The following ASB17 variants were observed in gnomAD, a reference collection of about 807,000 sequenced individuals.
ASB17 encodes ankyrin repeat and SOCS box protein 17.
A neutral mutation model predicts 25.7 loss-of-function variants in ASB17; 26 were observed. That is an observed-to-expected ratio of 1.01 (90% CI 0.74 to 1.40). ASB17 has a LOEUF of 1.40. Ranked by LOEUF, ASB17 falls within the 40% of genes most tolerant of loss-of-function variation. ASB17 has a pLI of 0.00. For missense variants in ASB17, 326 were observed against 338.5 expected (o/e 0.96, Z 0.29); for synonymous variants, 128 against 121.4 (o/e 1.05, Z -0.36).
At chr1:75,931,231 A>G (rs530816445) in intron 1 of ASB17, among the ~76,000 whole-genome samples, 1 of 152,352 alleles carries the variant, frequency 6.6e-6, no homozygotes, top group East Asian at 1.9e-4. Flanking sequence ...AAAACGAAAG[A>G]ATAAATTAAA....
At chr1:75,930,075 AG>A (rs1435644675) in intron 1 of ASB17, among the ~76,000 whole-genome samples, 1 of 151,724 alleles carries the variant, frequency 6.6e-6, no homozygotes, top group Non-Finnish European at 1.5e-5. Context: ...CAGAGCTCAG[AG>A]GCAAAGTCAA....
chr1:75,921,425 C>T (rs1464934896), intron 2 of ASB17, among the ~76,000 whole-genome samples: 1 of 152,128 alleles, frequency 6.6e-6, no homozygotes, highest in African/African-American at 2.4e-5. Flanking sequence ...ATAGGGGTAG[C>T]TTTCTCTCTA....
chr1:75,929,680 G>A lies in ASB17; in HGVS notation c.401+2211C>T, dbSNP rs142690292. On this transcript the variant is annotated intron_variant, in intron 1 of 2. Transcript: ENST00000284142. The stretch of plus-strand genomic sequence containing the variant: ...TCTGAGTCAATAACAGATTATAGGA[G>A]TTGAGAGGGAAGAGTGGAAGCTGAA... Among the ~76,000 whole-genome samples, 752 of 152,256 alleles carry A rather than the reference G, an allele frequency of 4.9e-3. 11 individuals are homozygous for A. The highest frequency in any genetic ancestry group is 0.012 in the East Asian group (63 of 5,170).
intron 1 of ASB17, among the ~76,000 whole-genome samples, chr1:75,925,052 T>C (rs141669887): frequency 9.0e-4 from 137 of 152,284 alleles, no homozygotes; most frequent in African/African-American, 3.2e-3. Context: ...CTCTAAAAGA[T>C]AGTAATTTCA....
chr1:75,919,092 A>T lies in ASB17; in HGVS notation c.748T>A (p.Tyr250Asn), dbSNP rs144324004. 6.2e-7 allele frequency: 1 copy of T among 1,613,012 alleles called. No homozygotes were observed. Among genetic ancestry groups the T allele is most frequent in the East Asian group, 2.2e-5 (1 of 44,736 alleles). ...TGTAATAGTTCACATGGATCTTTGT[A>T]TCTTGTTGAAGGAATGTAATCAAAC... is the stretch of plus-strand genomic sequence containing the variant. ...NWFDYIPSTR[Y>N]KDPCELLHLC... The change falls in exon 3 of 3, where the codon TAC becomes AAC. Residue 250 changes from tyrosine to asparagine, a missense_variant. Coordinates refer to ENST00000284142, the MANE Select transcript of ASB17 (RefSeq NM_080868.3).
At chr1:75,920,878 C>T (rs1571012259) in intron 2 of ASB17, among the ~76,000 whole-genome samples, 1 of 152,096 alleles carries the variant, frequency 6.6e-6, no homozygotes, top group Non-Finnish European at 1.5e-5. Context: ...GGGTTCATGC[C>T]ATTCTCCTGC....
At chr1:75,920,443 G>A (rs1035582131) in intron 2 of ASB17, among the ~76,000 whole-genome samples, 1 of 152,106 alleles carries the variant, frequency 6.6e-6, no homozygotes, top group Non-Finnish European at 1.5e-5. Flanking sequence ...ATTGTGATAG[G>A]TGCTTGGGAT....
chr1:75,922,168 C>T lies in ASB17; in HGVS notation c.593G>A (p.Arg198His), dbSNP rs368584559. Residue 198 changes from arginine to histidine, a missense_variant, in exon 2 of 3, where the codon CGT (arginine) becomes CAT (histidine). Arg to His is a conservative substitution (Grantham distance 29, BLOSUM62 0). Transcript: ENST00000284142. ...YPSRVRVMVD[R>H]ELADIHEDAK... ...ATCTTCATGGATGTCAGCCAATTCA[C>T]GATCAACCATTACTCTTACTCTCGA... The T allele has an allele frequency of 3.0e-5, 48 of 1,613,566 alleles. No individual in the cohort carries two copies. In the Admixed American group the frequency reaches 3.5e-4, roughly 12 times the overall value.
intron 1 of ASB17, among the ~76,000 whole-genome samples, chr1:75,930,905 T>A (rs977852251): frequency 3.9e-5 from 6 of 152,210 alleles, no homozygotes; most frequent in African/African-American, 1.4e-4. Context: ...AATGGTTACT[T>A]AAAACACAAA....
chr1:75,923,922 A>C (rs1207011090), intron 1 of ASB17, among the ~76,000 whole-genome samples: 9 of 152,134 alleles, frequency 5.9e-5, no homozygotes, highest in African/African-American at 2.2e-4. Context: ...GTAGATACAC[A>C]GAGATAAAAG....
At chr1:75,927,785 A>G (rs537596080) in intron 1 of ASB17, among the ~76,000 whole-genome samples, 15 of 152,166 alleles carry the variant, frequency 9.9e-5, no homozygotes, top group Non-Finnish European at 5.9e-5. Flanking sequence ...CCAATCTTCA[A>G]ATGGGGCTGA....
Position 75,919,113 on chromosome 1 carries a change from C to T in ASB17, c.727G>A (p.Asp243Asn). The T allele has an allele frequency of 6.2e-7, 1 of 1,613,082 alleles. No homozygotes were observed. The highest frequency in any genetic ancestry group is 8.5e-7 in the Non-Finnish European group (1 of 1,179,562). Residue 243 changes from aspartate to asparagine, a missense_variant, in exon 3 of 3, where the codon GAT becomes AAT. Coordinates refer to ENST00000284142, the MANE Select transcript of ASB17 (RefSeq NM_080868.3). ...TTGTATCTTGTTGAAGGAATGTAATCAAACCAATTTGAAATAATTGGATGT... is the reference window on the plus strand; with the variant it reads ...TTGTATCTTGTTGAAGGAATGTAATTAAACCAATTTGAAATAATTGGATGT... ...GRHPIISNWF[D>N]YIPSTRYKDP...
intron 1 of ASB17, among the ~76,000 whole-genome samples, chr1:75,925,960 A>C (rs1255340232): frequency 6.6e-6 from 1 of 152,094 alleles, no homozygotes; most frequent in Non-Finnish European, 1.5e-5. Flanking sequence ...ATTTCTCCTC[A>C]ACTGTCTTTC....
In ASB17 at chr1:75,926,587, A is replaced by G. The variant is rs149459198; in HGVS notation, c.402-4228T>C. 8.5e-3 allele frequency among the ~76,000 whole-genome samples: 1,296 copies of G among 152,290 alleles called. 19 individuals are homozygous for G. Among genetic ancestry groups the G allele is most frequent in the African/African-American group, 0.029 (1,185 of 41,554 alleles). ...AGAACTTCACCTTTTACTCTAAACC[A>G]AAAGGACAAGCCATTGGAGGTTTTG... On this transcript the variant is annotated intron_variant, in intron 1 of 2. Transcript: ENST00000284142.
At chr1:75,929,103 A>G (rs1173164623) in intron 1 of ASB17, among the ~76,000 whole-genome samples, 1 of 152,256 alleles carries the variant, frequency 6.6e-6, no homozygotes, top group East Asian at 1.9e-4. Flanking sequence ...TGTTCAAGAA[A>G]CAGAAAGGTC....
rs189940688 is a variant in ASB17 at position 75,924,319 on chromosome 1, C to T, written c.402-1960G>A. Among the ~76,000 whole-genome samples the T allele has an allele frequency of 5.8e-4, 88 of 152,180 alleles. 1 individual carries two copies. The East Asian group carries it at 0.016, about 28-fold the overall frequency. ...GGTTGATGTCCTAGAGCCCTTACCCCCTGCTGGATCTTTGTTCAGGTCTCC... is the reference window on the plus strand; with the variant it reads ...GGTTGATGTCCTAGAGCCCTTACCCTCTGCTGGATCTTTGTTCAGGTCTCC... On this transcript the variant is annotated intron_variant, in intron 1 of 2. Coordinates refer to ENST00000284142, the MANE Select transcript of ASB17 (RefSeq NM_080868.3).
Position 75,922,259 on chromosome 1 carries a change from G to A in ASB17, c.502C>T (p.Gln168Ter), listed in dbSNP as rs1372685489. 8.1e-6 allele frequency: 13 copies of A among 1,612,886 alleles called. No homozygotes were observed. In the South Asian group the frequency reaches 1.3e-4, roughly 16 times the overall value. ...RQSNIFKILL[Q>*]YGILEREKNP... ...TTTTCTCTTTCTAAGATTCCATATT[G>A]CAGTAGTATTTTGAAGATATTAGAC... The change falls in exon 2 of 3, where the codon CAA becomes TAA. Residue 168 changes from glutamine (Q) to a stop codon, truncating the protein, a stop_gained. Transcript: ENST00000284142. LOFTEE classifies it high-confidence loss of function.
intron 1 of ASB17, among the ~76,000 whole-genome samples, chr1:75,926,977 A>G (rs867724403): frequency 2.0e-5 from 3 of 152,266 alleles, no homozygotes; most frequent in Middle Eastern, 6.8e-3. Flanking sequence ...TAAGATCTTG[A>G]GGTGGGAAAT....
chr1:75,926,426 C>T (rs1040099523), intron 1 of ASB17, among the ~76,000 whole-genome samples: 1 of 152,114 alleles, frequency 6.6e-6, no homozygotes, highest in Non-Finnish European at 1.5e-5. Flanking sequence ...GGAAGTTAAC[C>T]ATTTGGATAT....
Sources: gnomAD v4.1 joint callset for allele counts (sites outside exome capture counted in the v4.1 genomes callset) on GRCh38, gnomAD v4.1.1 for gene constraint, MANE v1.5 for transcripts, NCBI Gene and HGNC (gene_info 2026-07-23, HGNC 2026-07-21) for gene names.